The following ANKRD30BL variants were observed in gnomAD, a reference collection of about 807,000 sequenced individuals.
ANKRD30BL encodes the protein putative ankyrin repeat domain-containing protein 30B-like.
In ANKRD30BL, 20 loss-of-function variants were observed where a neutral mutation model predicts 18.4. That is an observed-to-expected ratio of 1.09 (90% confidence interval 0.77 to 1.58). ANKRD30BL has a LOEUF of 1.58. ANKRD30BL is among the 40% of genes most tolerant of loss of function. ANKRD30BL has a pLI of 0.00. For missense variants in ANKRD30BL, 224 were observed against 268.6 expected (o/e 0.83, Z 1.16); for synonymous variants, 72 against 100.9 (o/e 0.71, Z 1.72).
At chr2:132,169,254 C>A (rs1473828656) in intron 1 of ANKRD30BL, among the ~76,000 whole-genome samples, 1 of 152,158 alleles carries the variant, frequency 6.6e-6, no homozygotes, top group African/African-American at 2.4e-5. Flanking sequence ...CTTTGGTGTG[C>A]CCCATATTTC....
chr2:132,148,092 T>A lies in ANKRD30BL; in HGVS notation c.*39A>T, dbSNP rs1177336465. On this transcript the variant is annotated 3_prime_UTR_variant, in exon 6 of 6. Transcript: ENST00000409867. ...TCCCCCTCTTGAATTTTAAAGGATGTTTACAGGCTAAAATCTTTGAAGAGG... is the reference window on the plus strand; with the variant it reads ...TCCCCCTCTTGAATTTTAAAGGATGATTACAGGCTAAAATCTTTGAAGAGG... 2 of 1,487,914 alleles carry A rather than the reference T, an allele frequency of 1.3e-6. No individual in the cohort carries two copies. Among genetic ancestry groups the A allele is most frequent in the Admixed American group, 3.8e-5 (2 of 51,952 alleles). The allele number at this position is 1,487,914 out of a possible 1,614,324, so 92.2% of individuals were successfully genotyped here.
At chr2:132,223,178 T>G (rs866340586) in intron 1 of ANKRD30BL, among the ~76,000 whole-genome samples, 2 of 152,132 alleles carry the variant, frequency 1.3e-5, no homozygotes, top group Middle Eastern at 3.4e-3. Flanking sequence ...ACTCACAGAG[T>G]TGAACCTTTC....
At chr2:132,171,079 C>CT (rs1473758529) in intron 1 of ANKRD30BL, among the ~76,000 whole-genome samples, 3 of 150,602 alleles carry the variant, frequency 2.0e-5, no homozygotes, top group Non-Finnish European at 2.9e-5. Context: ...TGGCGTGAAC[C>CT]CGGAGGCGGA....
At chr2:132,228,999 C>A (rs1354032143) in intron 1 of ANKRD30BL, among the ~76,000 whole-genome samples, 1 of 152,026 alleles carries the variant, frequency 6.6e-6, no homozygotes, top group Admixed American at 6.6e-5. Context: ...GTGCATTCAT[C>A]TAACGGATTG....
intron 1 of ANKRD30BL, among the ~76,000 whole-genome samples, chr2:132,217,075 G>C (rs1679525407): frequency 6.6e-6 from 1 of 151,494 alleles, no homozygotes. Context: ...GAGACCTATG[G>C]TGGAAAAGGA....
intron 1 of ANKRD30BL, among the ~76,000 whole-genome samples, chr2:132,237,745 A>G (rs1184533357): frequency 6.6e-6 from 1 of 152,068 alleles, no homozygotes; most frequent in East Asian, 1.9e-4. Flanking sequence ...CTGTAAGTGG[A>G]AACTTGGAGC....
At chr2:132,207,105 C>T (rs1256181968) in intron 1 of ANKRD30BL, among the ~76,000 whole-genome samples, 1 of 151,870 alleles carries the variant, frequency 6.6e-6, no homozygotes, top group African/African-American at 2.4e-5. Flanking sequence ...TTAAGTCATA[C>T]CCTCACAGAC....
intron 1 of ANKRD30BL, among the ~76,000 whole-genome samples, chr2:132,194,969 T>G (rs1258714854): frequency 6.6e-6 from 1 of 152,206 alleles, no homozygotes; most frequent in Non-Finnish European, 1.5e-5. Context: ...TGAAGTAAAT[T>G]TATATTTTAA....
rs577295160 is a variant in ANKRD30BL at position 132,239,777 on chromosome 2, C to T, written n.441+17752G>A. Among the ~76,000 whole-genome samples, 7 of 151,142 alleles carry T rather than the reference C, an allele frequency of 4.6e-5. No individual in the cohort carries two copies. In the South Asian group the frequency reaches 6.3e-4, roughly 14 times the overall value. On this transcript the variant is annotated intron_variant and non_coding_transcript_variant, in intron 1 of 4. Transcript: ENST00000470729. ...AGTTTCACTAAGTGGACATTTGGAG[C>T]GCTTTGAGGCCTAGGGTGAAAAAGG... is the stretch of plus-strand genomic sequence containing the variant.
chr2:132,233,667 A>G (rs1680079714), intron 1 of ANKRD30BL, among the ~76,000 whole-genome samples: 1 of 150,632 alleles, frequency 6.6e-6, no homozygotes, highest in Non-Finnish European at 1.5e-5. Flanking sequence ...CCAATACAGG[A>G]GCACCCAGAT....
At chr2:132,183,841 TCTC>T (rs998263752) in intron 1 of ANKRD30BL, among the ~76,000 whole-genome samples, 2 of 152,084 alleles carry the variant, frequency 1.3e-5, no homozygotes, top group Admixed American at 6.6e-5. Context: ...TTCTCCCTTA[TCTC>T]CTCCACATAG....
At chr2:132,198,312 C>T (rs866681761) in intron 1 of ANKRD30BL, among the ~76,000 whole-genome samples, 75 of 12,154 alleles carry the variant, frequency 6.2e-3, no homozygotes, top group African/African-American at 0.01. Context: ...TTCTTTCTTT[C>T]TTTCTTTCTT....
At chr2:132,253,806 G>A (rs149990018) in intron 1 of ANKRD30BL, among the ~76,000 whole-genome samples, 4,690 of 152,058 alleles carry the variant, frequency 0.031, 252 homozygotes, top group African/African-American at 0.11. Flanking sequence ...GGCGGATGAG[G>A]GGGGTGGGAC....
intron 1 of ANKRD30BL, among the ~76,000 whole-genome samples, chr2:132,222,461 A>G (rs1285676696): frequency 6.6e-6 from 1 of 152,108 alleles, no homozygotes; most frequent in Non-Finnish European, 1.5e-5. Context: ...AGAAGTAGAC[A>G]TGGGAGACTT....
chr2:132,223,824 G>C (rs570543805), intron 1 of ANKRD30BL, among the ~76,000 whole-genome samples: 2 of 152,198 alleles, frequency 1.3e-5, no homozygotes, highest in South Asian at 2.1e-4. Context: ...AGCATTCTCA[G>C]AAAGTCATTT....
chr2:132,202,171 T>C (rs755855529), intron 1 of ANKRD30BL, among the ~76,000 whole-genome samples: 1 of 140,082 alleles, frequency 7.1e-6, no homozygotes, highest in Non-Finnish European at 1.5e-5. Context: ...AGGGATAGCA[T>C]TGGGAGTATA....
chr2:132,163,591 G>A (rs533938178), upstream of ANKRD30BL, among the ~76,000 whole-genome samples: 6 of 152,282 alleles, frequency 3.9e-5, no homozygotes, highest in East Asian at 7.7e-4. Context: ...TATCTATGTC[G>A]AATTGTTTAC....
intron 1 of ANKRD30BL, among the ~76,000 whole-genome samples, chr2:132,201,302 A>C (rs1169586620): frequency 1.3e-5 from 2 of 152,178 alleles, no homozygotes; most frequent in African/African-American, 4.8e-5. Flanking sequence ...AATGGGATCT[A>C]ATTAAACTGA....
At chr2:132,228,556 G>T (rs1454170754) in intron 1 of ANKRD30BL, among the ~76,000 whole-genome samples, 1 of 147,828 alleles carries the variant, frequency 6.8e-6, no homozygotes, top group Admixed American at 6.7e-5. Flanking sequence ...TCTGCAAGTG[G>T]ACATTTGGAG....
Sources: allele counts gnomAD v4.1 joint callset (sites outside exome capture counted in the v4.1 genomes callset), GRCh38; gene constraint gnomAD v4.1.1; transcripts MANE v1.5; gene names NCBI Gene and HGNC (gene_info 2026-07-23, HGNC 2026-07-21).